The following FADS2 variants were observed in gnomAD, a reference collection of about 807,000 sequenced individuals.
FADS2 encodes acyl-CoA 6-desaturase.
FADS2 carries 18 observed loss-of-function variants against 61.2 expected under a neutral mutation model. The observed-to-expected ratio is 0.29, with a 90% CI of 0.20 to 0.44. The LOEUF (loss-of-function observed/expected upper bound fraction) is 0.44, where lower values mean the gene tolerates loss of function less well. Among genes scored for constraint, FADS2 ranks in the 20% least tolerant of loss-of-function variants. The pLI is 1.00. For synonymous variants in FADS2, 203 were observed against 223.9 expected (o/e 0.91, Z 0.83); for missense variants, 322 against 572.7 (o/e 0.56, Z 4.47).
At chr11:61,843,370 C>T (rs555853298) in intron 4 of FADS2, among the ~76,000 whole-genome samples, 2 of 152,270 alleles carry the variant, frequency 1.3e-5, no homozygotes, top group East Asian at 1.9e-4. Context: ...TTGAAGGCTG[C>T]GGTGAGCTGT....
In FADS2 at chr11:61,828,603, G is replaced by C; in HGVS notation, c.207+6G>C. The C allele has an allele frequency of 6.2e-7, 1 of 1,609,916 alleles. No individual in the cohort carries two copies. The highest frequency in any genetic ancestry group is 2.2e-5 in the East Asian group (1 of 44,722). On this transcript the variant is annotated splice_donor_region_variant and intron_variant, in intron 1 of 11. Transcript: ENST00000278840. This position sits in a 1 kb window ranked among gnomAD's most constrained non-coding sequence, Gnocchi z 6.4. ...ACGCTGGAGAAGATGCAACGGTAAG[G>C]GTCTGGGGGCGCCCCAGCCACCCTT...
At chr11:61,842,092 T>G (rs1410644057) in intron 4 of FADS2, among the ~76,000 whole-genome samples, 1 of 152,220 alleles carries the variant, frequency 6.6e-6, no homozygotes, top group Non-Finnish European at 1.5e-5. Flanking sequence ...AGCTGGGTCC[T>G]AAAGAATCCA....
upstream of FADS2, among the ~76,000 whole-genome samples, chr11:61,826,935 T>C (rs1222634288): frequency 1.3e-5 from 2 of 152,172 alleles, no homozygotes; most frequent in African/African-American, 4.8e-5. Context: ...ATAATATGCG[T>C]CCTGTTTACC....
In FADS2 at chr11:61,862,986, C is replaced by T. The variant is rs376532039; in HGVS notation, c.897C>T (p.Ala299=). Residue 299 remains alanine (A), a synonymous_variant, in exon 8 of 12, where the codon GCC becomes GCT. Coordinates refer to ENST00000278840, the MANE Select transcript of FADS2 (RefSeq NM_004265.4). ...VHKNWVDLAW[A]VSYYIRFFIT... is the part of the protein sequence containing the mutation. ...TTTCCCCGCAGGACCTGGCCTGGGC[C>T]GTCAGCTACTACATCCGGTTCTTCA... is the stretch of plus-strand genomic sequence containing the variant. The T allele has an allele frequency of 8.6e-5, 139 of 1,614,048 alleles. No individual in the cohort carries two copies. Among genetic ancestry groups the T allele is most frequent in the Non-Finnish European group, 1.1e-4 (134 of 1,180,008 alleles).
upstream of FADS2, among the ~76,000 whole-genome samples, chr11:61,824,136 C>G (rs940072755): frequency 4.6e-5 from 7 of 151,788 alleles, no homozygotes; most frequent in East Asian, 1.4e-3. Flanking sequence ...AATCCCAGCA[C>G]TTTGGGAGGC....
In FADS2 at chr11:61,865,555, T is replaced by G; in HGVS notation, c.1284-83T>G. On this transcript the variant is annotated intron_variant, in intron 11 of 11. Transcript: ENST00000278840. The surrounding 1 kb of genome is among the most constrained non-coding windows in gnomAD (Gnocchi z 4.1). The stretch of plus-strand genomic sequence containing the variant: ...GGCCAAGGGGACATACATGCCACCT[T>G]AATGATGGCCTCCTCAGCCCTTGCA... 7.6e-7 allele frequency: 1 copy of G among 1,308,764 alleles called. No homozygotes were observed. Among genetic ancestry groups the G allele is most frequent in the African/African-American group, 1.5e-5 (1 of 68,886 alleles). 81.1% of individuals were successfully genotyped at this position (1,308,764 alleles called of 1,614,324 possible).
At chr11:61,858,515 G>A (rs2067384633) in intron 7 of FADS2, among the ~76,000 whole-genome samples, 1 of 151,900 alleles carries the variant, frequency 6.6e-6, no homozygotes, top group South Asian at 2.1e-4. Flanking sequence ...ACCAAAAGTG[G>A]ATTCTTGAAA....
At chr11:61,834,241 T>C (rs957871401) in intron 1 of FADS2, among the ~76,000 whole-genome samples, 2 of 152,160 alleles carry the variant, frequency 1.3e-5, no homozygotes, top group Non-Finnish European at 2.9e-5. Context: ...ACACTGACCA[T>C]GGGCAAGGAG....
chr11:61,863,527 G>A (rs546987210), intron 9 of FADS2, 149 bp downstream of exon 9: 5 of 792,144 alleles, frequency 6.3e-6, no homozygotes, highest in African/African-American at 1.7e-5. Context: ...GAGCAAGAAA[G>A]GGCAGCAGGA....
intron 7 of FADS2, among the ~76,000 whole-genome samples, chr11:61,858,773 A>G (rs569508021): frequency 3.3e-5 from 5 of 152,022 alleles, no homozygotes; most frequent in African/African-American, 1.2e-4. Context: ...TTTAGTAGTG[A>G]TGGGGTTTCA....
In FADS2 at chr11:61,865,805, A is replaced by T; in HGVS notation, c.*116A>T. 1.2e-6 allele frequency: 1 copy of T among 804,948 alleles called. No homozygotes were observed. Among genetic ancestry groups the T allele is most frequent in the Non-Finnish European group, 2.0e-6 (1 of 489,564 alleles). 49.9% of individuals were successfully genotyped at this position (804,948 alleles called of 1,614,324 possible). The stretch of plus-strand genomic sequence containing the variant: ...AGGCTGGTGTATGCACTGCTCACGG[A>T]CCCCATGTTGGATCTTTCTCCCTTT... On this transcript the variant is annotated 3_prime_UTR_variant, in exon 12 of 12. Coordinates refer to ENST00000278840, the MANE Select transcript of FADS2 (RefSeq NM_004265.4). The surrounding 1 kb of genome is among the most constrained non-coding windows in gnomAD (Gnocchi z 4.1).
intron 10 of FADS2, among the ~76,000 whole-genome samples, chr11:61,864,740 C>T (rs182471107): frequency 8.6e-5 from 13 of 151,854 alleles, no homozygotes; most frequent in Admixed American, 8.5e-4. Context: ...CTTGCCGTGT[C>T]GCCCAGGCTG....
At chr11:61,851,108 C>G (rs560835633) in intron 5 of FADS2, among the ~76,000 whole-genome samples, 52 of 152,238 alleles carry the variant, frequency 3.4e-4, no homozygotes, top group African/African-American at 1.2e-3. Context: ...AACAGTTTGC[C>G]AGCTTTAATT....
intron 5 of FADS2, among the ~76,000 whole-genome samples, chr11:61,849,964 C>G (rs1482342479): frequency 6.6e-6 from 1 of 151,698 alleles, no homozygotes; most frequent in Non-Finnish European, 1.5e-5. Flanking sequence ...CTGGGAGCCT[C>G]AAGGCTGCAA....
chr11:61,840,953 C>T (rs886578457), intron 4 of FADS2, among the ~76,000 whole-genome samples: 1 of 152,140 alleles, frequency 6.6e-6, no homozygotes, highest in Non-Finnish European at 1.5e-5. Context: ...CAGGCACACA[C>T]CTTTCTTGTC....
chr11:61,827,904 C>A, upstream of FADS2: 1 of 435,938 alleles, frequency 2.3e-6, no homozygotes, highest in Non-Finnish European at 3.1e-6. The surrounding 1 kb of genome is among the most constrained non-coding windows in gnomAD (Gnocchi z 4.5). Flanking sequence ...CGGGGACCCG[C>A]CGCTCCAGCC....
chr11:61,848,671 T>G (rs2067281263), intron 5 of FADS2: 1 of 182,936 alleles, frequency 5.5e-6, no homozygotes, highest in African/African-American at 2.3e-5. Flanking sequence ...TCTGGCTTGT[T>G]TTTTCCCAGG....
upstream of FADS2, chr11:61,828,094 CG>C: frequency 7.7e-7 from 1 of 1,290,752 alleles, no homozygotes; most frequent in East Asian, 3.6e-5. This position sits in a 1 kb window ranked among gnomAD's most constrained non-coding sequence, Gnocchi z 6.4. Flanking sequence ...CCTGAGCTCC[CG>C]GGGAGTTTTT....
upstream of FADS2, chr11:61,827,917 C>A: frequency 1.9e-6 from 1 of 527,444 alleles, no homozygotes; most frequent in Non-Finnish European, 2.5e-6. This position sits in a 1 kb window ranked among gnomAD's most constrained non-coding sequence, Gnocchi z 4.5. Flanking sequence ...CTCCAGCCCG[C>A]TGGCCTTCGA....
Sources: allele counts gnomAD v4.1 joint callset (sites outside exome capture counted in the v4.1 genomes callset), GRCh38; gene constraint gnomAD v4.1.1; non-coding constraint Gnocchi (gnomAD v3.1); transcripts MANE v1.5; gene names NCBI Gene and HGNC (gene_info 2026-07-23, HGNC 2026-07-21).